Variants in PIK3C2A observed in about 807,000 individuals in gnomAD.
PIK3C2A encodes the protein phosphatidylinositol-4-phosphate 3-kinase catalytic subunit type 2 alpha.
In PIK3C2A, 97 loss-of-function variants were observed where a neutral mutation model predicts 204.5. The observed-to-expected ratio is 0.47, with a 90% confidence interval of 0.40 to 0.56. PIK3C2A has a LOEUF of 0.56. Ranked by LOEUF, PIK3C2A falls within the 20% of genes least tolerant of loss-of-function variation. The probability of loss-of-function intolerance (pLI) is 0.00; values close to 1 mark genes in which losing one functional copy is unlikely to be tolerated. For synonymous variants in PIK3C2A, 653 were observed against 664.4 expected, an observed-to-expected ratio of 0.98 and a Z score of 0.26; for missense variants, 1,735 against 1,969.2, an observed-to-expected ratio of 0.88 and a Z score of 2.25.
Position 17,169,459 on chromosome 11 carries a change from G to A in PIK3C2A, c.283C>T (p.Leu95Phe). Residue 95 changes from leucine to phenylalanine, a missense_variant, in exon 2 of 33, where the codon CTC becomes TTC. Around this residue, in one of 6 missense-constraint regions of PIK3C2A, gnomAD observed 536 missense variants for 546.7 expected, o/e 0.98. Transcript: ENST00000691414. ...KRALDIDVEK[L>F]TQAELEKLLL... is the part of the protein sequence containing the mutation. ...AGTTTCTCAAGTTCAGCTTGGGTGA[G>A]CTTTTCTACATCAATATCTAATGCT... The A allele has an allele frequency of 6.2e-7, 1 of 1,614,062 alleles. No homozygotes were observed. The highest frequency in any genetic ancestry group is 8.5e-7 in the Non-Finnish European group (1 of 1,179,982).
chr11:17,194,211 A>C (rs1422280397), intron 1 of PIK3C2A: 1 of 418,708 alleles, frequency 2.4e-6, no homozygotes, highest in African/African-American at 2.1e-5. Flanking sequence ...CCAAACGACA[A>C]GGACAAGGAT....
chr11:17,131,721 G>A (rs1007338468), intron 12 of PIK3C2A, among the ~76,000 whole-genome samples, 195 bp downstream of exon 12: 3 of 151,836 alleles, frequency 2.0e-5, no homozygotes, highest in Non-Finnish European at 2.9e-5. Flanking sequence ...GCGCCCGGTC[G>A]GTATTTAATA....
chr11:17,135,784 A>G (rs994223423), intron 9 of PIK3C2A, among the ~76,000 whole-genome samples: 1 of 152,102 alleles, frequency 6.6e-6, no homozygotes, highest in Non-Finnish European at 1.5e-5. Context: ...TACATACCAC[A>G]TGGATAGGAT....
chr11:17,204,450 G>A (rs1374219203), intron 1 of PIK3C2A: 1 of 152,202 alleles, frequency 6.6e-6, no homozygotes, highest in African/African-American at 2.4e-5. Context: ...AAGCAGAGCA[G>A]GGCCTAGAAC....
At chr11:17,162,339 T>TA (rs1160583333) in intron 2 of PIK3C2A, among the ~76,000 whole-genome samples, 15,894 of 130,768 alleles carry the variant, frequency 0.12, 1,094 homozygotes, top group Middle Eastern at 0.24. Flanking sequence ...AGACTCCATC[T>TA]AAAAAAAAAA....
intron 1 of PIK3C2A, among the ~76,000 whole-genome samples, chr11:17,175,343 A>T (rs620241): frequency 0.58 from 88,129 of 151,970 alleles, 25,907 homozygotes; most frequent in East Asian, 0.82. Context: ...TACCATATTT[A>T]AGTTTTCCAA....
intron 8 of PIK3C2A, among the ~76,000 whole-genome samples, chr11:17,143,732 T>A (rs1850141510): frequency 6.6e-6 from 1 of 151,062 alleles, no homozygotes; most frequent in Admixed American, 6.6e-5. Flanking sequence ...AGGTCAGGAG[T>A]TCGAAACCAG....
At chr11:17,179,879 G>A (rs191029916) in intron 1 of PIK3C2A, among the ~76,000 whole-genome samples, 24 of 152,232 alleles carry the variant, frequency 1.6e-4, no homozygotes, top group African/African-American at 5.8e-4. Context: ...CCAAATCACT[G>A]GGATTACAGT....
intron 1 of PIK3C2A, among the ~76,000 whole-genome samples, chr11:17,173,800 T>C (rs1265570902): frequency 2.0e-5 from 3 of 151,798 alleles, no homozygotes; most frequent in African/African-American, 7.3e-5. Flanking sequence ...CACGTGGGGT[T>C]TGTTTGTTTG....
At position 17,101,348 on chromosome 11, in the gene PIK3C2A, AC is replaced by A; in HGVS notation, c.3937del (p.Val1313TrpfsTer10). The A allele has an allele frequency of 6.2e-7, 1 of 1,600,650 alleles. No individual in the cohort carries two copies. The highest frequency in any genetic ancestry group is 8.5e-7 in the Non-Finnish European group (1 of 1,169,840). Reference sequence around the variant, plus strand: ...GTTGTAGGCCTGACAGCAGAGGTCCACAAACAACTGAAAACGAATGGTGGGC... The same window carrying A: ...GTTGTAGGCCTGACAGCAGAGGTCCAAAACAACTGAAAACGAATGGTGGGC... ...EKPTIRFQLF[V>X]DLCCQAYNLI... On this transcript the variant is annotated frameshift_variant, in exon 25 of 33. Coordinates refer to ENST00000691414, the MANE Select transcript of PIK3C2A (RefSeq NM_002645.4). LOFTEE classifies it high-confidence loss of function.
chr11:17,175,391 G>C lies in PIK3C2A; in HGVS notation c.-65-5585C>G, dbSNP rs61879729. ...CATGTATACTAAAATGGCAATAAAAGGACTTAACAGATTGTCCAAAAGTAA... is the reference window on the plus strand; with the variant it reads ...CATGTATACTAAAATGGCAATAAAACGACTTAACAGATTGTCCAAAAGTAA... On this transcript the variant is annotated intron_variant, in intron 1 of 32. Coordinates refer to ENST00000691414, the MANE Select transcript of PIK3C2A (RefSeq NM_002645.4). Among the ~76,000 whole-genome samples, 1,110 of 152,246 alleles carry C rather than the reference G, an allele frequency of 7.3e-3. 15 individuals are homozygous for C. The highest frequency in any genetic ancestry group is 0.024 in the Middle Eastern group (7 of 294).
intron 1 of PIK3C2A, among the ~76,000 whole-genome samples, chr11:17,200,918 G>A (rs564061022): frequency 3.2e-4 from 48 of 152,246 alleles, no homozygotes; most frequent in Non-Finnish European, 5.0e-4. Context: ...GAAACTAGGC[G>A]ATTCAAGCCG....
chr11:17,097,350 C>G, intron 26 of PIK3C2A, 86 bp from the exon 27 acceptor site: 2 of 791,468 alleles, frequency 2.5e-6, no homozygotes, highest in Non-Finnish European at 4.2e-6. Context: ...AAACCACTTT[C>G]ATTCCTTTAA....
chr11:17,182,073 C>T (rs1409241981), intron 1 of PIK3C2A, among the ~76,000 whole-genome samples: 1 of 140,872 alleles, frequency 7.1e-6, no homozygotes, highest in Admixed American at 7.3e-5. Flanking sequence ...GGCTGGGCAA[C>T]AAGAGTGAAA....
At chr11:17,117,887 G>A (rs1313982407) in intron 18 of PIK3C2A, among the ~76,000 whole-genome samples, 1 of 150,996 alleles carries the variant, frequency 6.6e-6, no homozygotes, top group Non-Finnish European at 1.5e-5. Flanking sequence ...CTAATTTTTT[G>A]TATTTTTAGT....
At chr11:17,166,130 G>T (rs1850938572) in intron 2 of PIK3C2A, among the ~76,000 whole-genome samples, 1 of 151,922 alleles carries the variant, frequency 6.6e-6, no homozygotes. Context: ...AATATTAACA[G>T]TAATTCCTTT....
intron 1 of PIK3C2A, among the ~76,000 whole-genome samples, chr11:17,175,722 C>T (rs753745505): frequency 3.9e-5 from 6 of 152,114 alleles, no homozygotes; most frequent in Non-Finnish European, 7.4e-5. Context: ...TTTAGTTAAA[C>T]GTTTAGACAC....
intron 17 of PIK3C2A, 29 bp from the exon 18 acceptor site, chr11:17,118,768 G>A (rs757489808): frequency 9.2e-7 from 1 of 1,081,932 alleles, no homozygotes; most frequent in South Asian, 1.3e-5. Context: ...AGAATTATTA[G>A]TGGTCTAACC....
intron 8 of PIK3C2A, among the ~76,000 whole-genome samples, chr11:17,139,260 CT>C (rs1001893723): frequency 7.2e-6 from 1 of 138,594 alleles, no homozygotes; most frequent in African/African-American, 2.7e-5. Flanking sequence ...TGGAATCTCA[CT>C]CTGTCACCCA....
Sources: allele counts gnomAD v4.1 joint callset (sites outside exome capture counted in the v4.1 genomes callset), GRCh38; gene constraint gnomAD v4.1.1; regional missense constraint gnomAD v4.1.1; transcripts MANE v1.5; gene names NCBI Gene and HGNC (gene_info 2026-07-23, HGNC 2026-07-21).